Variants in AGBL4 observed in about 807,000 individuals in gnomAD.
The protein encoded by AGBL4 is AGBL carboxypeptidase 4.
AGBL4 carries 58 observed loss-of-function variants against 66.4 expected under a neutral mutation model. That is an observed-to-expected ratio of 0.87 (90% CI 0.71 to 1.09). AGBL4 has a LOEUF of 1.09. Among genes scored for constraint, AGBL4 ranks in the 50% least tolerant of loss-of-function variants. AGBL4 has a pLI of 0.00. For missense variants in AGBL4, 579 were observed against 631.0 expected (o/e 0.92, Z 0.88); for synonymous variants, 234 against 222.9 (o/e 1.05, Z -0.44).
chr1:49,929,297 C>G (rs1298462757), intron 1 of AGBL4, among the ~76,000 whole-genome samples: 1 of 150,672 alleles, frequency 6.6e-6, no homozygotes, highest in Non-Finnish European at 1.5e-5. Context: ...ACATGTACCC[C>G]AAGAATAAAA....
chr1:49,472,805 C>G (rs750643156), intron 3 of AGBL4, among the ~76,000 whole-genome samples: 4 of 151,916 alleles, frequency 2.6e-5, no homozygotes, highest in African/African-American at 4.8e-5. Context: ...GTTTTTCAGC[C>G]AATGCCTCAC....
At chr1:49,622,156 T>C (rs1418063036) in intron 3 of AGBL4, among the ~76,000 whole-genome samples, 1 of 152,198 alleles carries the variant, frequency 6.6e-6, no homozygotes, top group Admixed American at 6.5e-5. Context: ...CTCTGGTAGC[T>C]ATGTGATTTT....
chr1:49,611,613 G>A (rs570927513), intron 3 of AGBL4, among the ~76,000 whole-genome samples: 16 of 152,088 alleles, frequency 1.1e-4, no homozygotes, highest in African/African-American at 3.6e-4. Context: ...TCCTGACCTC[G>A]TGATCCGCCT....
chr1:49,563,777 T>G (rs550825357), intron 3 of AGBL4, among the ~76,000 whole-genome samples: 15 of 152,230 alleles, frequency 9.9e-5, no homozygotes, highest in Admixed American at 3.3e-4. Flanking sequence ...TCTCTTTTTT[T>G]GTTGTGTCTT....
chr1:48,797,213 A>G (rs1319598864), intron 6 of AGBL4, among the ~76,000 whole-genome samples: 1 of 152,172 alleles, frequency 6.6e-6, no homozygotes, highest in Non-Finnish European at 1.5e-5. Flanking sequence ...AATTTTACCA[A>G]AGCATAATGA....
intron 1 of AGBL4, among the ~76,000 whole-genome samples, chr1:49,920,710 A>G (rs1169678303): frequency 6.6e-6 from 1 of 152,236 alleles, no homozygotes; most frequent in Non-Finnish European, 1.5e-5. Flanking sequence ...AGAACTAGAA[A>G]TACCATTTGA....
chr1:48,812,999 T>C (rs1035120972), intron 6 of AGBL4, among the ~76,000 whole-genome samples: 1 of 151,914 alleles, frequency 6.6e-6, no homozygotes, highest in African/African-American at 2.4e-5. Context: ...TTAGGAGATA[T>C]ACCTAATGCT....
chr1:49,445,844 T>C (rs1570735283), intron 3 of AGBL4, among the ~76,000 whole-genome samples: 1 of 152,226 alleles, frequency 6.6e-6, no homozygotes, highest in East Asian at 1.9e-4. Context: ...ATATTTATTT[T>C]ATTTTATTTA....
chr1:49,621,007 A>G (rs1645350043), intron 3 of AGBL4, among the ~76,000 whole-genome samples: 1 of 152,194 alleles, frequency 6.6e-6, no homozygotes. Flanking sequence ...CTACAAAGCT[A>G]GTGCTCTAGC....
At chr1:49,883,625 T>A (rs931182795) in intron 1 of AGBL4, among the ~76,000 whole-genome samples, 1 of 152,092 alleles carries the variant, frequency 6.6e-6, no homozygotes, top group Non-Finnish European at 1.5e-5. Flanking sequence ...AAAGGACTTT[T>A]AGGACCTAAT....
intron 1 of AGBL4, among the ~76,000 whole-genome samples, chr1:50,018,830 A>G (rs1662189988): frequency 6.6e-6 from 1 of 152,184 alleles, no homozygotes; most frequent in African/African-American, 2.4e-5. Flanking sequence ...ATTATGTTAT[A>G]GCTCACTTAT....
chr1:49,918,883 C>A (rs1329654981), intron 1 of AGBL4, among the ~76,000 whole-genome samples: 2 of 152,168 alleles, frequency 1.3e-5, no homozygotes, highest in South Asian at 4.1e-4. Flanking sequence ...AGCTTATCCA[C>A]CAGGATCAAG....
chr1:48,676,009 G>A (rs766497670), intron 6 of AGBL4, among the ~76,000 whole-genome samples: 13 of 152,096 alleles, frequency 8.5e-5, no homozygotes, highest in Admixed American at 4.6e-4. Context: ...TGTGCTCCTC[G>A]AAAAAACTCC....
chr1:49,846,044 C>A (rs554705005), intron 2 of AGBL4: 1 of 1,591,786 alleles, frequency 6.3e-7, no homozygotes, highest in African/African-American at 1.3e-5. Flanking sequence ...GCTTGCTCCC[C>A]TCATTCAGCA....
At chr1:49,974,277 A>G (rs184609763) in intron 1 of AGBL4, among the ~76,000 whole-genome samples, 3 of 152,260 alleles carry the variant, frequency 2.0e-5, no homozygotes, top group African/African-American at 7.2e-5. Context: ...GAAAATATTA[A>G]TAAATAAAAT....
intron 3 of AGBL4, among the ~76,000 whole-genome samples, chr1:49,283,017 C>G (rs1230523255): frequency 1.3e-5 from 2 of 152,242 alleles, no homozygotes; most frequent in Non-Finnish European, 2.9e-5. Context: ...GTGGTGCCCA[C>G]CACAGCTCAA....
chr1:48,780,232 G>A (rs756755573), intron 6 of AGBL4, among the ~76,000 whole-genome samples: 3 of 95,294 alleles, frequency 3.1e-5, no homozygotes, highest in African/African-American at 8.3e-5. Flanking sequence ...TCCCCTCCCC[G>A]TATCTATGTG....
intron 6 of AGBL4, among the ~76,000 whole-genome samples, chr1:48,780,959 A>G (rs929217323): frequency 6.6e-6 from 1 of 152,236 alleles, no homozygotes; most frequent in Non-Finnish European, 1.5e-5. Context: ...GCTTCTGCAT[A>G]GTCTGTTCCC....
At chr1:48,727,890 T>G in intron 6 of AGBL4, 1 of 1,602,322 alleles carries the variant, frequency 6.2e-7, no homozygotes, top group South Asian at 1.1e-5. Context: ...CAAAGTTTAT[T>G]GCAAATTGTA....
Sources: allele counts gnomAD v4.1 joint callset (sites outside exome capture counted in the v4.1 genomes callset), GRCh38; gene constraint gnomAD v4.1.1; transcripts MANE v1.5; gene names NCBI Gene and HGNC (gene_info 2026-07-23, HGNC 2026-07-21).